Variants in B3GAT2 observed in about 807,000 individuals in gnomAD.
B3GAT2 encodes beta-1,3-glucuronyltransferase 2.
A neutral mutation model predicts 27.8 loss-of-function variants in B3GAT2; 26 were observed. The ratio of observed to expected loss-of-function variants is 0.93; its 90% CI spans 0.68 to 1.30. The LOEUF is 1.30. Among genes scored for constraint, B3GAT2 ranks in the 50% most tolerant of loss-of-function variants. The pLI, the probability that B3GAT2 is intolerant of heterozygous loss-of-function variation, is 0.00. For missense variants in B3GAT2, 458 were observed against 459.0 expected, an observed-to-expected ratio of 1.00 and a Z score of 0.02; for synonymous variants, 218 against 195.1, an observed-to-expected ratio of 1.12 and a Z score of -0.98.
chr6:70,916,801 T>C (rs1772781602), intron 1 of B3GAT2, among the ~76,000 whole-genome samples: 1 of 152,168 alleles, frequency 6.6e-6, no homozygotes. Context: ...GGTTTGCCAG[T>C]ATTTTTTTTT....
intron 1 of B3GAT2, among the ~76,000 whole-genome samples, chr6:70,935,384 G>A (rs1415129695): frequency 1.3e-5 from 2 of 152,110 alleles, no homozygotes; most frequent in African/African-American, 4.8e-5. Flanking sequence ...ACCCAGGGAG[G>A]TGGAGGCTGC....
chr6:70,863,683 T>C (rs941326062), intron 2 of B3GAT2, among the ~76,000 whole-genome samples: 1 of 152,094 alleles, frequency 6.6e-6, no homozygotes, highest in African/African-American at 2.4e-5. Flanking sequence ...TGATGAAAAA[T>C]TGAGGTATGG....
intron 2 of B3GAT2, among the ~76,000 whole-genome samples, chr6:70,882,328 C>T (rs987269578): frequency 1.3e-5 from 2 of 151,964 alleles, no homozygotes; most frequent in African/African-American, 2.4e-5. Flanking sequence ...GGTGAAACCC[C>T]GTCTCTACTA....
rs188650258 is a variant in B3GAT2 at position 70,928,422 on chromosome 6, A to G, written c.591+27417T>C. Among the ~76,000 whole-genome samples the G allele has an allele frequency of 4.4e-3, 675 of 152,310 alleles. 7 individuals are homozygous for G. The highest frequency in any genetic ancestry group is 0.014 in the African/African-American group (601 of 41,572). The stretch of plus-strand genomic sequence containing the variant: ...GAATTGGTTTTTTGAAAAGATCAAC[A>G]AAATTGATAGACCACTAGCAGACTA... On this transcript the variant is annotated intron_variant, in intron 1 of 3. Coordinates refer to ENST00000230053, the MANE Select transcript of B3GAT2 (RefSeq NM_080742.3).
chr6:70,920,624 A>G (rs1233269855), intron 1 of B3GAT2, among the ~76,000 whole-genome samples: 1 of 152,114 alleles, frequency 6.6e-6, no homozygotes, highest in African/African-American at 2.4e-5. Flanking sequence ...GGCATTTTGC[A>G]TGTTTACTTT....
intron 1 of B3GAT2, among the ~76,000 whole-genome samples, chr6:70,932,957 A>C (rs1442952810): frequency 6.6e-6 from 1 of 152,062 alleles, no homozygotes; most frequent in African/African-American, 2.4e-5. Context: ...ACATGCCACC[A>C]CTCACAACTA....
chr6:70,857,088 T>C lies in B3GAT2; in HGVS notation c.*4575A>G. 2 of 1,458,070 alleles carry C rather than the reference T, an allele frequency of 1.4e-6. No individual in the cohort carries two copies. The highest frequency in any genetic ancestry group is 2.1e-4 in the Middle Eastern group (1 of 4,678). The allele number at this position is 1,458,070 out of a possible 1,614,324, so 90.3% of individuals were successfully genotyped here. ...TTACTAGAAGTACATCCTTTGTAAT[T>C]ATATAATAAGATCAATTATATATCT... On this transcript the variant is annotated 3_prime_UTR_variant, in exon 4 of 4. Coordinates refer to ENST00000230053, the MANE Select transcript of B3GAT2 (RefSeq NM_080742.3).
At chr6:70,893,290 G>A (rs995381048) in intron 2 of B3GAT2, among the ~76,000 whole-genome samples, 2 of 152,174 alleles carry the variant, frequency 1.3e-5, no homozygotes, top group African/African-American at 4.8e-5. Context: ...ATGCACAGAA[G>A]ATGGGGCAAG....
chr6:70,894,302 AGTTTCCTTAG>A, intron 1 of B3GAT2, 30 bp from the exon 2 acceptor site: 2 of 1,537,074 alleles, frequency 1.3e-6, no homozygotes, highest in Admixed American at 4.0e-5. Flanking sequence ...ATGTGTTTTA[AGTTTCCTTAG>A]GAAAAAGAGG....
At position 70,935,852 on chromosome 6, in the gene B3GAT2, C is replaced by T. The variant is rs562516009; in HGVS notation, c.591+19987G>A. ...GGAAGAAACTGCATCAACTAACGAG[C>T]AAAATAACCAGCTAACATCATAATG... On this transcript the variant is annotated intron_variant, in intron 1 of 3. Coordinates refer to ENST00000230053, the MANE Select transcript of B3GAT2 (RefSeq NM_080742.3). Among the ~76,000 whole-genome samples, 3 of 152,090 alleles carry T rather than the reference C, an allele frequency of 2.0e-5. No individual in the cohort carries two copies. The East Asian group carries it at 5.8e-4, about 29-fold the overall frequency.
intron 2 of B3GAT2, among the ~76,000 whole-genome samples, chr6:70,890,678 T>TG (rs1772273133): frequency 6.6e-6 from 1 of 152,150 alleles, no homozygotes; most frequent in South Asian, 2.1e-4. Context: ...CTCCAGCGCG[T>TG]GGGGGGCATG....
At chr6:70,875,604 A>T (rs1772002903) in intron 2 of B3GAT2, among the ~76,000 whole-genome samples, 1 of 152,168 alleles carries the variant, frequency 6.6e-6, no homozygotes, top group South Asian at 2.1e-4. Context: ...AGCTTCCCGC[A>T]TTTACTTCCA....
chr6:70,859,264 A>G lies in B3GAT2; in HGVS notation c.*2399T>C. ...AGTCACATGGTCAACATGCTGAAGC[A>G]CACCCAGCTCAGGTTAAGGTGCTAG... On this transcript the variant is annotated 3_prime_UTR_variant, in exon 4 of 4. Coordinates refer to ENST00000230053, the MANE Select transcript of B3GAT2 (RefSeq NM_080742.3). 1 of 1,172,158 alleles carries G rather than the reference A, an allele frequency of 8.5e-7. No individual in the cohort carries two copies. Among genetic ancestry groups the G allele is most frequent in the Non-Finnish European group, 1.2e-6 (1 of 835,318 alleles). The allele number at this position is 1,172,158 out of a possible 1,614,324, so 72.6% of individuals were successfully genotyped here.
chr6:70,941,919 ACATAT>A (rs1329350870), intron 1 of B3GAT2, among the ~76,000 whole-genome samples: 2 of 152,188 alleles, frequency 1.3e-5, no homozygotes, highest in East Asian at 3.8e-4. Flanking sequence ...CAACTGAAAT[ACATAT>A]TCAGGTATCA....
intron 1 of B3GAT2, among the ~76,000 whole-genome samples, chr6:70,900,219 A>G (rs527326615): frequency 6.6e-6 from 1 of 152,274 alleles, no homozygotes; most frequent in East Asian, 1.9e-4. Context: ...AGTAATCTCC[A>G]TAGACCCAAT....
In B3GAT2 at chr6:70,956,154, C is replaced by G. The variant is rs369211351; in HGVS notation, c.276G>C (p.Pro92=). Residue 92 remains proline, a synonymous_variant, in exon 1 of 4, where the codon CCG becomes CCC. Transcript: ENST00000230053. ...IYAITPTYSR[P]VQKAELTRLA... is the part of the protein sequence containing the mutation. ...GGCGGGTCAGCTCCGCTTTCTGCAC[C>G]GGGCGGCTGTAGGTGGGCGTGATGG... 3.1e-6 allele frequency: 5 copies of G among 1,607,070 alleles called. No homozygotes were observed. The African/African-American group carries it at 5.4e-5, about 17-fold the overall frequency.
Position 70,957,009 on chromosome 6 carries a change from T to G in B3GAT2, c.-580A>C, listed in dbSNP as rs576642826. Reference sequence around the variant, plus strand: ...GTGTTCGCGCGCCGCAGCGGAAGCCTGCTCTCAGTCCCTTGCTCTTGTCTT... The same window carrying G: ...GTGTTCGCGCGCCGCAGCGGAAGCCGGCTCTCAGTCCCTTGCTCTTGTCTT... On this transcript the variant is annotated 5_prime_UTR_variant, in exon 1 of 4. Transcript: ENST00000230053. The G allele has an allele frequency of 1.0e-6, 1 of 999,918 alleles. No homozygotes were observed. Among genetic ancestry groups the G allele is most frequent in the African/African-American group, 1.7e-5 (1 of 57,376 alleles). 61.9% of individuals were successfully genotyped at this position (999,918 alleles called of 1,614,324 possible).
chr6:70,927,557 C>T (rs1772984310), intron 1 of B3GAT2, among the ~76,000 whole-genome samples: 1 of 152,126 alleles, frequency 6.6e-6, no homozygotes, highest in Non-Finnish European at 1.5e-5. Flanking sequence ...TTTAAACCAA[C>T]AAAGATCAAA....
In B3GAT2 at chr6:70,856,887, C is replaced by T; in HGVS notation, c.*4776G>A. On this transcript the variant is annotated 3_prime_UTR_variant, in exon 4 of 4. Coordinates refer to ENST00000230053, the MANE Select transcript of B3GAT2 (RefSeq NM_080742.3). ...ACACCCTCTGCACCAGCAGCTGCAA[C>T]CCTGTCTACAGTAACATCTGGGGAT... 1 of 1,613,370 alleles carries T rather than the reference C, an allele frequency of 6.2e-7. No individual in the cohort carries two copies. Among genetic ancestry groups the T allele is most frequent in the Non-Finnish European group, 8.5e-7 (1 of 1,179,584 alleles).
Sources: gnomAD v4.1 joint callset for allele counts (sites outside exome capture counted in the v4.1 genomes callset) on GRCh38, gnomAD v4.1.1 for gene constraint, MANE v1.5 for transcripts, NCBI Gene and HGNC (gene_info 2026-07-23, HGNC 2026-07-21) for gene names.